The following RALGPS1 variants were observed in gnomAD, a reference collection of about 807,000 sequenced individuals.
RALGPS1 encodes the protein Ral GEF with PH domain and SH3 binding motif 1, also known as ras-specific guanine nucleotide-releasing factor RalGPS1.
Under a neutral mutation model 78.8 loss-of-function variants are expected in RALGPS1, and 19 were observed. The ratio of observed to expected loss-of-function variants is 0.24; its 90% CI spans 0.17 to 0.35. The LOEUF is 0.35. RALGPS1 is among the 10% of genes least tolerant of loss of function. The pLI, the probability that RALGPS1 is intolerant of heterozygous loss-of-function variation, is 1.00. For synonymous variants in RALGPS1, 228 were observed against 256.3 expected (o/e 0.89, Z 1.06); for missense variants, 454 against 688.3 (o/e 0.66, Z 3.81).
intron 8 of RALGPS1, among the ~76,000 whole-genome samples, chr9:127,158,550 A>G (rs1226615438): frequency 6.6e-6 from 1 of 152,110 alleles, no homozygotes. Context: ...GTACATACCA[A>G]AGGATTGTCC....
intron 8 of RALGPS1, among the ~76,000 whole-genome samples, chr9:127,134,006 T>TG (rs749862137): frequency 4.8e-5 from 7 of 145,546 alleles, no homozygotes; most frequent in Admixed American, 6.8e-5. Context: ...TTGTCCTCGC[T>TG]CCCCCCCCCG....
At chr9:127,073,753 A>T (rs1208831145) in intron 8 of RALGPS1, among the ~76,000 whole-genome samples, 2 of 152,124 alleles carry the variant, frequency 1.3e-5, no homozygotes, top group Non-Finnish European at 2.9e-5. Context: ...TCTTGCCAGC[A>T]TGTTATTTTT....
intron 1 of RALGPS1, among the ~76,000 whole-genome samples, chr9:126,956,547 A>G (rs1302651952): frequency 1.3e-5 from 2 of 152,108 alleles, no homozygotes; most frequent in East Asian, 3.9e-4. Context: ...ATAATGGGTA[A>G]CACACTACGG....
At chr9:127,090,284 C>T (rs368278744) in intron 8 of RALGPS1, among the ~76,000 whole-genome samples, 60 of 152,338 alleles carry the variant, frequency 3.9e-4, no homozygotes, top group African/African-American at 1.2e-3. Context: ...ATACACTTTC[C>T]GCTCCCTAAG....
At chr9:127,110,096 C>G (rs2054646895) in intron 8 of RALGPS1, among the ~76,000 whole-genome samples, 1 of 152,180 alleles carries the variant, frequency 6.6e-6, no homozygotes, top group Non-Finnish European at 1.5e-5. Flanking sequence ...TCTCTGCTCC[C>G]CTTTTTAGCA....
chr9:126,956,437 C>G (rs1046089098), intron 1 of RALGPS1, among the ~76,000 whole-genome samples: 2 of 152,160 alleles, frequency 1.3e-5, no homozygotes, highest in Non-Finnish European at 1.5e-5. Context: ...GAGTCGCTGC[C>G]CATAAATTCG....
At chr9:126,989,950 C>T (rs1205250875) in intron 4 of RALGPS1, 1 of 1,550,576 alleles carries the variant, frequency 6.4e-7, no homozygotes, top group Non-Finnish European at 8.7e-7. Context: ...TTCCTCCAGG[C>T]CACATGACAC....
At chr9:127,077,370 C>G (rs1450880307) in intron 8 of RALGPS1, among the ~76,000 whole-genome samples, 2 of 152,152 alleles carry the variant, frequency 1.3e-5, no homozygotes, top group Non-Finnish European at 2.9e-5. Context: ...GAGTATATCC[C>G]TTATACCTGA....
chr9:127,062,095 TTTG>T (rs1564508662), intron 7 of RALGPS1, among the ~76,000 whole-genome samples: 2 of 152,186 alleles, frequency 1.3e-5, no homozygotes, highest in Non-Finnish European at 2.9e-5. Context: ...TAAGGATTTT[TTTG>T]TTGTTTTTTT....
chr9:127,185,593 C>T (rs2060591435), intron 11 of RALGPS1, among the ~76,000 whole-genome samples: 1 of 152,242 alleles, frequency 6.6e-6, no homozygotes, highest in African/African-American at 2.4e-5. Flanking sequence ...ATCACAGTTC[C>T]TGGCACCTTG....
chr9:127,053,978 T>G (rs2048505524), intron 7 of RALGPS1, among the ~76,000 whole-genome samples: 1 of 152,234 alleles, frequency 6.6e-6, no homozygotes, highest in Non-Finnish European at 1.5e-5. Flanking sequence ...TTCTTGGTTT[T>G]CCATCAGTGC....
chr9:127,108,450 AT>A, intron 8 of RALGPS1: 1 of 1,610,108 alleles, frequency 6.2e-7, no homozygotes, highest in Non-Finnish European at 8.5e-7. Flanking sequence ...TGAGCAGCTC[AT>A]TGTTGAGCAG....
chr9:126,988,232 G>A (rs993281166), intron 4 of RALGPS1, among the ~76,000 whole-genome samples: 1 of 152,146 alleles, frequency 6.6e-6, no homozygotes, highest in African/African-American at 2.4e-5. Context: ...CTGAAACCTG[G>A]CCATACAAGG....
chr9:127,074,945 G>T (rs1321791665), intron 8 of RALGPS1, among the ~76,000 whole-genome samples: 4 of 152,238 alleles, frequency 2.6e-5, no homozygotes, highest in African/African-American at 9.6e-5. Flanking sequence ...TGTGTGAAGG[G>T]TATAAATTAT....
intron 6 of RALGPS1, among the ~76,000 whole-genome samples, chr9:127,051,226 G>A (rs1265060279): frequency 6.6e-6 from 1 of 152,188 alleles, no homozygotes; most frequent in Non-Finnish European, 1.5e-5. Context: ...TCTGTTCTGG[G>A]CCACAAGAGA....
At chr9:127,166,827 G>A (rs1258714033) in intron 9 of RALGPS1, among the ~76,000 whole-genome samples, 1 of 152,186 alleles carries the variant, frequency 6.6e-6, no homozygotes, top group Non-Finnish European at 1.5e-5. Flanking sequence ...ATGATGGTGG[G>A]GTGTGTAAGA....
In RALGPS1 at chr9:127,155,597, T is replaced by C. The variant is rs548433532; in HGVS notation, c.611-10472T>C. ...TGCTAAGGAGTTTTCACATTGCCTGTTGGGATAGAAAGCCACTGGGTATTT... is the reference window on the plus strand; with the variant it reads ...TGCTAAGGAGTTTTCACATTGCCTGCTGGGATAGAAAGCCACTGGGTATTT... On this transcript the variant is annotated intron_variant, in intron 8 of 18. Transcript: ENST00000259351. Among the ~76,000 whole-genome samples, 10 of 152,278 alleles carry C rather than the reference T, an allele frequency of 6.6e-5. No individual in the cohort carries two copies. In the South Asian group the frequency reaches 2.1e-3, roughly 32 times the overall value.
chr9:127,091,976 T>C lies in RALGPS1; in HGVS notation c.610+22620T>C. 4 of 1,598,422 alleles carry C rather than the reference T, an allele frequency of 2.5e-6. No homozygotes were observed. The highest frequency in any genetic ancestry group is 1.1e-5 in the South Asian group (1 of 88,798). ...CCCAGGAGAGTGTTAATGTGGAGCC[T>C]GCAGCACCTGCAGCCAGCAGGCTTG... On this transcript the variant is annotated intron_variant, in intron 8 of 18. Coordinates refer to ENST00000259351, the MANE Select transcript of RALGPS1 (RefSeq NM_014636.3). This position sits in a 1 kb window ranked among gnomAD's most constrained non-coding sequence, Gnocchi z 4.3.
chr9:127,026,920 C>A (rs2046007933), intron 4 of RALGPS1, among the ~76,000 whole-genome samples: 1 of 152,202 alleles, frequency 6.6e-6, no homozygotes. Context: ...TCTCCCATCC[C>A]ACTTTTTGCC....
Sources: allele counts gnomAD v4.1 joint callset (sites outside exome capture counted in the v4.1 genomes callset), GRCh38; gene constraint gnomAD v4.1.1; non-coding constraint Gnocchi (gnomAD v3.1); transcripts MANE v1.5; gene names NCBI Gene and HGNC (gene_info 2026-07-23, HGNC 2026-07-21).